Variants in CBY1 observed in about 807,000 individuals in gnomAD.
CBY1 encodes the protein chibby 1, beta catenin antagonist.
In CBY1, 10 loss-of-function variants were observed where a neutral mutation model predicts 15.6. The ratio of observed to expected loss-of-function variants is 0.64; its 90% CI spans 0.40 to 1.09. CBY1 has a LOEUF of 1.09. Ranked by LOEUF, CBY1 falls within the 50% of genes least tolerant of loss-of-function variation. The probability of loss-of-function intolerance (pLI) is 0.01; values close to 1 mark genes in which losing one functional copy is unlikely to be tolerated. For missense variants in CBY1, 150 were observed against 160.5 expected, an observed-to-expected ratio of 0.93 and a Z score of 0.35; for synonymous variants, 61 against 63.5, an observed-to-expected ratio of 0.96 and a Z score of 0.19.
chr22:38,672,351 C>T (rs563324727), intron 4 of CBY1, among the ~76,000 whole-genome samples: 6 of 151,900 alleles, frequency 3.9e-5, no homozygotes, highest in African/African-American at 1.2e-4. Context: ...GACAGAGTCT[C>T]GCTCTGTAGC....
intron 1 of CBY1, among the ~76,000 whole-genome samples, chr22:38,664,568 T>A (rs1418788642): frequency 6.6e-6 from 1 of 151,938 alleles, no homozygotes; most frequent in Admixed American, 6.6e-5. Context: ...ACTTAATTAG[T>A]TATTTGGGAA....
chr22:38,673,311 C>A lies in CBY1; in HGVS notation c.*75C>A. The A allele has an allele frequency of 1.1e-6, 1 of 924,312 alleles. No homozygotes were observed. Among genetic ancestry groups the A allele is most frequent in the Non-Finnish European group, 1.8e-6 (1 of 562,078 alleles). 57.3% of individuals were successfully genotyped at this position (924,312 alleles called of 1,614,324 possible). A position where few individuals can be genotyped will look rare whatever the true frequency, so the allele number is the denominator to read the frequency against. ...TTTTGGCCAGACTAGCGGATTCAGT[C>A]CTGGAAGAGAGTATCATATAATGAG... On this transcript the variant is annotated 3_prime_UTR_variant, in exon 5 of 5. Coordinates refer to ENST00000216029, the MANE Select transcript of CBY1 (RefSeq NM_015373.4).
At chr22:38,657,182 A>G (rs965799894) in intron 1 of CBY1, 10 of 813,748 alleles carry the variant, frequency 1.2e-5, no homozygotes, top group Non-Finnish European at 1.5e-5. Flanking sequence ...CAAACGGAAA[A>G]CCTTTACACA....
At chr22:38,665,571 CAA>C in intron 1 of CBY1, 1 of 427,254 alleles carries the variant, frequency 2.3e-6, no homozygotes. Context: ...TGCAAATGAA[CAA>C]ACTATAACTA....
intron 1 of CBY1, among the ~76,000 whole-genome samples, chr22:38,666,035 G>T (rs8142435): frequency 6.6e-6 from 1 of 151,230 alleles, no homozygotes; most frequent in Non-Finnish European, 1.5e-5. Flanking sequence ...TGGGGGTCTC[G>T]CTGTGTCACT....
At chr22:38,664,222 A>T (rs1265043953) in intron 1 of CBY1, among the ~76,000 whole-genome samples, 1 of 151,990 alleles carries the variant, frequency 6.6e-6, no homozygotes, top group African/African-American at 2.4e-5. Context: ...CTATAATCCT[A>T]GCACTTTGGG....
chr22:38,666,923 C>CA (rs1471121265), intron 1 of CBY1, among the ~76,000 whole-genome samples: 1 of 149,882 alleles, frequency 6.7e-6, no homozygotes, highest in African/African-American at 2.5e-5. Flanking sequence ...AGGCTGGTCT[C>CA]AAACTCCTGA....
At chr22:38,670,746 G>A in intron 2 of CBY1, 138 bp from the exon 3 acceptor site, 1 of 645,206 alleles carries the variant, frequency 1.5e-6, no homozygotes. Flanking sequence ...TGATTTTATG[G>A]CTTTAAAAAA....
intron 2 of CBY1, chr22:38,669,937 A>C (rs2092447646): frequency 6.6e-6 from 1 of 152,278 alleles, no homozygotes; most frequent in South Asian, 2.1e-4. Context: ...ACTTTAAAAA[A>C]TACAAAAATT....
intron 1 of CBY1, chr22:38,665,679 T>C: frequency 8.2e-7 from 1 of 1,212,254 alleles, no homozygotes; most frequent in South Asian, 4.2e-5. Context: ...GCATGTACAG[T>C]GGCCAGGTGA....
intron 1 of CBY1, chr22:38,665,735 G>A: frequency 2.4e-6 from 3 of 1,228,840 alleles, no homozygotes; most frequent in African/African-American, 3.1e-5. Context: ...CTGGAGGGTG[G>A]TTTTAAAAAA....
chr22:38,664,926 C>T (rs2092431922), intron 1 of CBY1, among the ~76,000 whole-genome samples: 1 of 152,122 alleles, frequency 6.6e-6, no homozygotes, highest in Admixed American at 6.6e-5. Flanking sequence ...TCACTGCAGC[C>T]TCAAACTCCT....
chr22:38,672,630 T>C (rs1026371000), intron 4 of CBY1, among the ~76,000 whole-genome samples: 1 of 151,896 alleles, frequency 6.6e-6, no homozygotes, highest in African/African-American at 2.4e-5. Context: ...TGTTTTTTTT[T>C]AAAAATGAGC....
chr22:38,668,039 T>A lies in CBY1; in HGVS notation c.-16T>A. The A allele has an allele frequency of 6.2e-7, 1 of 1,613,476 alleles. No homozygotes were observed. Among genetic ancestry groups the A allele is most frequent in the East Asian group, 2.2e-5 (1 of 44,880 alleles). On this transcript the variant is annotated 5_prime_UTR_variant, in exon 2 of 5. Coordinates refer to ENST00000216029, the MANE Select transcript of CBY1 (RefSeq NM_015373.4). ...TAGGAGAAGGGAGCACTGGCTTTGC[T>A]TTCATCAGGCCAAAGATGCCTTTCT...
intron 1 of CBY1, among the ~76,000 whole-genome samples, chr22:38,665,918 C>T (rs1290144373): frequency 6.6e-6 from 1 of 151,638 alleles, no homozygotes; most frequent in African/African-American, 2.4e-5. Context: ...ACCTGTAATC[C>T]CAGCTATTTA....
At position 38,670,933 on chromosome 22, in the gene CBY1, C is replaced by T. The variant is rs749597763; in HGVS notation, c.128C>T (p.Pro43Leu). The T allele has an allele frequency of 4.3e-6, 7 of 1,614,048 alleles. No homozygotes were observed. The highest frequency in any genetic ancestry group is 1.7e-5 in the Admixed American group (1 of 59,990). The change falls in exon 3 of 5, where the codon CCG becomes CTG. Residue 43 changes from proline (P) to leucine (L), a missense_variant. Transcript: ENST00000216029. ...EVELGLEYGS[P>L]TMNLAGQSLK... ...GAGCTGGGCTTGGAATACGGATCCC[C>T]GACTATGAACCTGGCAGGGCAAAGC...
At chr22:38,668,355 A>C in intron 2 of CBY1, 3 of 453,434 alleles carry the variant, frequency 6.6e-6, no homozygotes, top group Non-Finnish European at 7.8e-6. Context: ...ATGATATTTG[A>C]CCCCAAATAT....
intron 1 of CBY1, among the ~76,000 whole-genome samples, chr22:38,657,673 G>T (rs757583478): frequency 1.3e-4 from 20 of 152,328 alleles, no homozygotes; most frequent in Admixed American, 2.6e-4. Context: ...ATGAGAATTA[G>T]TGCGGTCATG....
intron 4 of CBY1, 137 bp downstream of exon 4, chr22:38,671,325 G>A (rs2092451880): frequency 1.4e-6 from 1 of 719,784 alleles, no homozygotes; most frequent in African/African-American, 1.7e-5. Context: ...CCACACGCAA[G>A]GAACAAGACA....
Sources: allele counts gnomAD v4.1 joint callset (sites outside exome capture counted in the v4.1 genomes callset), GRCh38; gene constraint gnomAD v4.1.1; transcripts MANE v1.5; gene names NCBI Gene and HGNC (gene_info 2026-07-23, HGNC 2026-07-21).